The following DIP2C variants were observed in gnomAD, a reference collection of about 807,000 sequenced individuals.
DIP2C encodes DIP2 acetate--CoA ligase C (putative), also known as disco-interacting protein 2 homolog C.
In DIP2C, 33 loss-of-function variants were observed where a neutral mutation model predicts 192.4. The ratio of observed to expected loss-of-function variants is 0.17; its 90% CI spans 0.13 to 0.23. DIP2C has a LOEUF of 0.23. Ranked by LOEUF, DIP2C falls within the 10% of genes least tolerant of loss-of-function variation. The pLI, the probability that DIP2C is intolerant of heterozygous loss-of-function variation, is 1.00. For synonymous variants in DIP2C, 979 were observed against 864.1 expected (o/e 1.13, Z -2.33); for missense variants, 1,537 against 2,110.1 (o/e 0.73, Z 5.32).
rs556752650 is a variant in DIP2C at position 359,285 on chromosome 10, C to T, written c.2795-1348G>A. The stretch of plus-strand genomic sequence containing the variant: ...GGGCCACCGGCTCTCTACAGATGCA[C>T]GGCCATCCTTTTCAAATGCAGGCTG... On this transcript the variant is annotated intron_variant, in intron 22 of 36. Coordinates refer to ENST00000280886, the MANE Select transcript of DIP2C (RefSeq NM_014974.3). Among the ~76,000 whole-genome samples, 9 of 152,338 alleles carry T rather than the reference C, an allele frequency of 5.9e-5. No individual in the cohort carries two copies. In the South Asian group the frequency reaches 6.2e-4, roughly 11 times the overall value.
At chr10:647,393 C>G (rs1855515362) in intron 1 of DIP2C, among the ~76,000 whole-genome samples, 1 of 151,342 alleles carries the variant, frequency 6.6e-6, no homozygotes. Context: ...AGTCCACGTC[C>G]ACATTGGATG....
chr10:305,034 C>A (rs1192564700), intron 32 of DIP2C, among the ~76,000 whole-genome samples: 4 of 152,088 alleles, frequency 2.6e-5, no homozygotes, highest in African/African-American at 9.7e-5. Context: ...CACATATATG[C>A]ACGTGTCTAT....
chr10:328,103 C>T (rs935480641), intron 30 of DIP2C, among the ~76,000 whole-genome samples: 8 of 152,178 alleles, frequency 5.3e-5, no homozygotes, highest in Admixed American at 3.9e-4. Context: ...AAGGCAGCCT[C>T]GGCACACGGA....
intron 1 of DIP2C, among the ~76,000 whole-genome samples, chr10:559,358 A>C (rs571891302): frequency 2.2e-5 from 3 of 138,732 alleles, no homozygotes; most frequent in South Asian, 4.3e-4. Context: ...GAAGCCCCAC[A>C]CAAGCTCGGT....
At chr10:574,623 C>A (rs986370648) in intron 1 of DIP2C, among the ~76,000 whole-genome samples, 1 of 152,200 alleles carries the variant, frequency 6.6e-6, no homozygotes, top group Non-Finnish European at 1.5e-5. Context: ...ACTCAAGAGA[C>A]CCTGATTCTT....
intron 1 of DIP2C, among the ~76,000 whole-genome samples, chr10:557,740 A>AGGGG (rs1564197683): frequency 3.9e-5 from 1 of 25,598 alleles, no homozygotes; most frequent in Non-Finnish European, 6.5e-5. Flanking sequence ...GGGAAGGGGG[A>AGGGG]GAGGATGGGT....
At chr10:400,623 T>C (rs918792694) in intron 9 of DIP2C, among the ~76,000 whole-genome samples, 4 of 151,146 alleles carry the variant, frequency 2.6e-5, no homozygotes, top group Non-Finnish European at 5.9e-5. Context: ...AGCACATGAA[T>C]CCTGTGATTT....
intron 10 of DIP2C, among the ~76,000 whole-genome samples, chr10:393,879 G>A (rs1467117702): frequency 2.0e-5 from 3 of 149,058 alleles, no homozygotes; most frequent in Non-Finnish European, 4.4e-5. Flanking sequence ...TTCTTGCACT[G>A]GTTACAACGT....
At chr10:295,551 A>G in intron 32 of DIP2C, among the ~76,000 whole-genome samples, 1 of 87,204 alleles carries the variant, frequency 1.1e-5, no homozygotes, top group Non-Finnish European at 2.1e-5. Context: ...AAAGAACGAG[A>G]CTCCATCTCA....
chr10:289,510 C>T (rs978112847), intron 32 of DIP2C, among the ~76,000 whole-genome samples: 22 of 152,190 alleles, frequency 1.4e-4, no homozygotes, highest in African/African-American at 4.3e-4. Context: ...TCAGATGATC[C>T]TCCTGTCTCA....
At chr10:375,267 CCT>C (rs367835226) in intron 17 of DIP2C, among the ~76,000 whole-genome samples, 30 of 151,188 alleles carry the variant, frequency 2.0e-4, no homozygotes, top group Admixed American at 6.6e-4. Flanking sequence ...CTGGGCACCT[CCT>C]CTCTCTCTCT....
chr10:367,634 C>T (rs2132763584), intron 18 of DIP2C, among the ~76,000 whole-genome samples: 1 of 152,280 alleles, frequency 6.6e-6, no homozygotes, highest in Admixed American at 6.5e-5. Context: ...ACTTCTAGAA[C>T]TGTTTCCATT....
At chr10:660,787 G>C (rs751605029) in intron 1 of DIP2C, among the ~76,000 whole-genome samples, 1 of 152,160 alleles carries the variant, frequency 6.6e-6, no homozygotes, top group Non-Finnish European at 1.5e-5. Context: ...CAAATACTAA[G>C]AATAGCCACC....
chr10:560,077 C>G (rs1849121267), intron 1 of DIP2C, among the ~76,000 whole-genome samples: 2 of 152,006 alleles, frequency 1.3e-5, no homozygotes, highest in Non-Finnish European at 2.9e-5. Flanking sequence ...CAGCACTGCG[C>G]CCAAGGCCTG....
chr10:572,667 A>G (rs572196153), intron 1 of DIP2C, among the ~76,000 whole-genome samples: 1 of 152,354 alleles, frequency 6.6e-6, no homozygotes, highest in South Asian at 2.1e-4. Flanking sequence ...ACAGATCACA[A>G]GGACAAAACT....
chr10:572,842 C>G lies in DIP2C; in HGVS notation c.86-86312G>C, dbSNP rs114396509. Among the ~76,000 whole-genome samples the G allele has an allele frequency of 5.8e-3, 880 of 152,250 alleles. 11 individuals are homozygous for G. The highest frequency in any genetic ancestry group is 0.02 in the African/African-American group (837 of 41,558). Reference sequence around the variant, plus strand: ...TCCCTCCCCTCAAAGACCAGGGCAGCCAGGAAACTGCACTCTCCAGTAAAT... The same window carrying G: ...TCCCTCCCCTCAAAGACCAGGGCAGGCAGGAAACTGCACTCTCCAGTAAAT... On this transcript the variant is annotated intron_variant, in intron 1 of 36. Coordinates refer to ENST00000280886, the MANE Select transcript of DIP2C (RefSeq NM_014974.3).
chr10:282,734 G>A (rs1364498370), intron 35 of DIP2C, among the ~76,000 whole-genome samples: 1 of 152,238 alleles, frequency 6.6e-6, no homozygotes, highest in African/African-American at 2.4e-5. Context: ...TCCACACCAG[G>A]CACCAGCATC....
chr10:334,898 A>G (rs1957683271), intron 29 of DIP2C, among the ~76,000 whole-genome samples: 1 of 152,188 alleles, frequency 6.6e-6, no homozygotes, highest in Non-Finnish European at 1.5e-5. Context: ...CCTATTTTAA[A>G]ACTGCTTTCA....
At chr10:390,891 A>G in intron 10 of DIP2C, 28 bp from the exon 11 acceptor site, 1 of 1,612,150 alleles carries the variant, frequency 6.2e-7, no homozygotes, top group Non-Finnish European at 8.5e-7. Context: ...AGGAGTTGAG[A>G]ATCCACGACC....
Sources: gnomAD v4.1 joint callset for allele counts (sites outside exome capture counted in the v4.1 genomes callset) on GRCh38, gnomAD v4.1.1 for gene constraint, MANE v1.5 for transcripts, NCBI Gene and HGNC (gene_info 2026-07-23, HGNC 2026-07-21) for gene names.